NUP214: variants seen among roughly 807,000 people sequenced by gnomAD.
The protein encoded by NUP214 is nuclear pore complex protein Nup214.
NUP214 carries 79 observed loss-of-function variants against 196.2 expected under a neutral mutation model. The ratio of observed to expected loss-of-function variants is 0.40; its 90% confidence interval spans 0.34 to 0.49. The LOEUF (loss-of-function observed/expected upper bound fraction) is 0.49, where lower values mean the gene tolerates loss of function less well. Ranked by LOEUF, NUP214 falls within the 20% of genes least tolerant of loss-of-function variation. The pLI, the probability that NUP214 is intolerant of heterozygous loss-of-function variation, is 0.58. For missense variants in NUP214, 2,468 were observed against 2,539.0 expected (o/e 0.97, Z 0.60); for synonymous variants, 1,020 against 990.5 (o/e 1.03, Z -0.56).
At position 131,149,761 on chromosome 9, in the gene NUP214, G is replaced by A. The variant is rs1832197080; in HGVS notation, c.2041-563G>A. 3.9e-5 allele frequency among the ~76,000 whole-genome samples: 6 copies of A among 152,192 alleles called. No individual in the cohort carries two copies. In the South Asian group the frequency reaches 1.2e-3, roughly 32 times the overall value. On this transcript the variant is annotated intron_variant, in intron 14 of 35. Coordinates refer to ENST00000359428, the MANE Select transcript of NUP214 (RefSeq NM_005085.4). ...CAAACTCCTTGGTGTGACCTTATATGACCTACCCCGGCCTGCCTTCCTGAC... is the reference window on the plus strand; with the variant it reads ...CAAACTCCTTGGTGTGACCTTATATAACCTACCCCGGCCTGCCTTCCTGAC...
intron 9 of NUP214, among the ~76,000 whole-genome samples, chr9:131,138,312 G>A (rs1046273768): frequency 2.1e-5 from 3 of 144,718 alleles, no homozygotes; most frequent in African/African-American, 7.7e-5. Context: ...TCTGCTTTCC[G>A]GGTTCAAGTG....
intron 31 of NUP214, among the ~76,000 whole-genome samples, chr9:131,217,591 G>A (rs1834440194): frequency 6.6e-6 from 1 of 152,160 alleles, no homozygotes; most frequent in African/African-American, 2.4e-5. Flanking sequence ...TGAGGTCACA[G>A]AGCCAGAAAG....
intron 22 of NUP214, 35 bp downstream of exon 22, chr9:131,174,353 C>T (rs1229090017): frequency 2.5e-6 from 4 of 1,592,244 alleles, no homozygotes; most frequent in East Asian, 4.5e-5. Context: ...CTGTTTTTCC[C>T]TATGATGTTT....
intron 24 of NUP214, among the ~76,000 whole-genome samples, chr9:131,183,350 G>T (rs968359527): frequency 2.0e-5 from 3 of 152,234 alleles, no homozygotes; most frequent in Non-Finnish European, 2.9e-5. Context: ...CTCCCAAAGT[G>T]CTGGGATTAC....
Position 131,233,458 on chromosome 9 carries a change from G to A in NUP214, c.6244G>A (p.Val2082Ile). The change falls in exon 36 of 36, where the codon GTC (valine) becomes ATC (isoleucine). Residue 2082 changes from valine to isoleucine, a missense_variant. Physicochemically the swap from Val to Ile is conservative, Grantham distance 29 (BLOSUM62 3). Around this residue, in one of 5 missense-constraint regions of NUP214, gnomAD observed 262 missense variants for 296.5 expected, o/e 0.88. Coordinates refer to ENST00000359428, the MANE Select transcript of NUP214 (RefSeq NM_005085.4). ...CTGTCCTGTGCTTCCTTGCAGGTCT[G>A]TCCAGGGTTTTGGTGGCTGGCGAAG... ...GFSFGSNNSSVQGFGGWRS is the reference protein window; with the variant it reads ...GFSFGSNNSSIQGFGGWRS 1 of 1,612,874 alleles carries A rather than the reference G, an allele frequency of 6.2e-7. No individual in the cohort carries two copies. The highest frequency in any genetic ancestry group is 8.5e-7 in the Non-Finnish European group (1 of 1,179,308).
At chr9:131,202,901 A>G (rs1373559594) in intron 30 of NUP214, among the ~76,000 whole-genome samples, 2 of 151,580 alleles carry the variant, frequency 1.3e-5, no homozygotes, top group Non-Finnish European at 2.9e-5. Context: ...TGTGCCAGGC[A>G]TAATTTTAAG....
rs1319576137 is a variant in NUP214, at chr9:131,213,206, G to A, written c.5593-2006G>A. On this transcript the variant is annotated intron_variant, in intron 30 of 35. Coordinates refer to ENST00000359428, the MANE Select transcript of NUP214 (RefSeq NM_005085.4). ...TTTTTTTTTTTTTTGACGGTGTTTC[G>A]CTCTTGTTGCCCAGACTGAAGTTCA... Among the ~76,000 whole-genome samples, 14 of 144,010 alleles carry A rather than the reference G, an allele frequency of 9.7e-5. No homozygotes were observed. The East Asian group carries it at 9.9e-4, about 10-fold the overall frequency. 94.5% of individuals were successfully genotyped at this position (144,010 alleles called of 152,430 possible).
Position 131,197,623 on chromosome 9 carries a change from C to T in NUP214, c.4129C>T (p.Pro1377Ser), listed in dbSNP as rs1315833050. Residue 1377 changes from proline (P) to serine (S), a missense_variant, in exon 29 of 36, where the codon CCC (proline) becomes TCC (serine). Transcript: ENST00000359428. Reference protein sequence around the residue: ...GVPSGFNFTAPPVLGKHTEPP... With the variant: ...GVPSGFNFTASPVLGKHTEPP... ...GCCCTCAGGGTTTAATTTTACTGCC[C>T]CCCCGGTGTTAGGGAAGCACACGGA... 8 of 1,614,020 alleles carry T rather than the reference C, an allele frequency of 5.0e-6. No homozygotes were observed. Among genetic ancestry groups the T allele is most frequent in the Non-Finnish European group, 5.9e-6 (7 of 1,180,038 alleles).
At chr9:131,148,884 TTAATA>T (rs1382348269) in intron 14 of NUP214, among the ~76,000 whole-genome samples, 1 of 152,222 alleles carries the variant, frequency 6.6e-6, no homozygotes, top group African/African-American at 2.4e-5. Context: ...ATTCTTCATT[TTAATA>T]TAATTAAGTA....
chr9:131,197,362 G>A lies in NUP214; in HGVS notation c.3868G>A (p.Ala1290Thr), dbSNP rs369513505. Residue 1290 changes from alanine to threonine, a missense_variant, in exon 29 of 36, where the codon GCA becomes ACA. Physicochemically the swap from Ala to Thr is moderately conservative, Grantham distance 58. Coordinates refer to ENST00000359428, the MANE Select transcript of NUP214 (RefSeq NM_005085.4). ...ASNTTPGEPA[A>T]SSSRPVAPSG... ...AAACACCACCCCAGGAGAACCTGCC[G>A]CATCTAGCAGCAGACCTGTGGCACC... The A allele has an allele frequency of 1.5e-5, 25 of 1,614,130 alleles. No individual in the cohort carries two copies. Among genetic ancestry groups the A allele is most frequent in the Non-Finnish European group, 1.9e-5 (23 of 1,180,024 alleles).
intron 21 of NUP214, among the ~76,000 whole-genome samples, chr9:131,169,024 G>GTTTTTT (rs539553381): frequency 1.2e-4 from 6 of 48,902 alleles, no homozygotes; most frequent in African/African-American, 3.4e-4. Context: ...TGCTTACTTT[G>GTTTTTT]TTTTTTTTTG....
At chr9:131,190,331 TTA>T in intron 26 of NUP214, 1 of 589,800 alleles carries the variant, frequency 1.7e-6, no homozygotes, top group Non-Finnish European at 3.0e-6. Flanking sequence ...ACTCTTGGAG[TTA>T]GAATCAAAGA....
intron 30 of NUP214, among the ~76,000 whole-genome samples, chr9:131,207,535 T>C (rs1403489933): frequency 1.3e-5 from 2 of 152,210 alleles, no homozygotes; most frequent in South Asian, 2.1e-4. Flanking sequence ...GGAAGAGCCA[T>C]GCTGAAGCTG....
intron 29 of NUP214, among the ~76,000 whole-genome samples, chr9:131,199,272 A>G (rs563041564): frequency 6.6e-6 from 1 of 152,284 alleles, no homozygotes; most frequent in Admixed American, 6.5e-5. Context: ...AGTGTGTTTC[A>G]TGGGGAAAAA....
Position 131,198,487 on chromosome 9 carries a change from G to T in NUP214, c.4993G>T (p.Ala1665Ser). Residue 1665 changes from alanine to serine, a missense_variant, in exon 29 of 36, where the codon GCC (alanine) becomes TCC (serine). Transcript: ENST00000359428. The stretch of plus-strand genomic sequence containing the variant: ...TTTCAACCAGCTCACCAACAACACA[G>T]CCACTGCCCCCTCTGCCACGCCCGT... ...SAFNQLTNNT[A>S]TAPSATPVFG... The T allele has an allele frequency of 6.2e-7, 1 of 1,614,200 alleles. No individual in the cohort carries two copies.
chr9:131,125,892 C>T lies in NUP214; in HGVS notation c.45+143C>T, dbSNP rs1831332033. ...TTCACAGCTCTCACCAGCGCGTCTG[C>T]CGCGCCGCTGGCGTGATAGCCCCAC... On this transcript the variant is annotated intron_variant, in intron 1 of 35. Transcript: ENST00000359428. This position sits in a 1 kb window ranked among gnomAD's most constrained non-coding sequence, Gnocchi z 4.1. 1.2e-5 allele frequency: 11 copies of T among 915,606 alleles called. No homozygotes were observed. The highest frequency in any genetic ancestry group is 1.8e-5 in the Non-Finnish European group (11 of 609,576). The allele number at this position is 915,606 out of a possible 1,614,324, so 56.7% of individuals were successfully genotyped here.
At chr9:131,182,442 A>C (rs948369245) in intron 24 of NUP214, among the ~76,000 whole-genome samples, 36 of 152,248 alleles carry the variant, frequency 2.4e-4, no homozygotes, top group African/African-American at 8.2e-4. Context: ...TTGCACATGC[A>C]AAGGATCTAG....
chr9:131,172,029 T>A (rs1192560974), intron 21 of NUP214, among the ~76,000 whole-genome samples: 1 of 152,094 alleles, frequency 6.6e-6, no homozygotes, highest in Non-Finnish European at 1.5e-5. Context: ...TGCATGTGTC[T>A]TTATAGCAGC....
chr9:131,177,110 G>GT (rs907776200), intron 23 of NUP214, among the ~76,000 whole-genome samples: 2 of 151,738 alleles, frequency 1.3e-5, no homozygotes. Flanking sequence ...TCAATTTAGA[G>GT]TTTTTTTTAA....
Sources: gnomAD v4.1 joint callset for allele counts (sites outside exome capture counted in the v4.1 genomes callset) on GRCh38, gnomAD v4.1.1 for gene constraint, gnomAD v4.1.1 regional missense constraint, Gnocchi (gnomAD v3.1) non-coding constraint, MANE v1.5 for transcripts, NCBI Gene and HGNC (gene_info 2026-07-23, HGNC 2026-07-21) for gene names.